Variants in ATRX observed in about 807,000 individuals in gnomAD.
The protein encoded by ATRX is ATRX chromatin remodeler, also known as chromatin remodeler ATRX.
A neutral mutation model predicts 172.6 loss-of-function variants in ATRX; 12 were observed. That is an observed-to-expected ratio of 0.07 (90% CI 0.04 to 0.11). The LOEUF is 0.11. Among genes scored for constraint, ATRX ranks in the 10% least tolerant of loss-of-function variants. The probability of loss-of-function intolerance (pLI) is 1.00; values close to 1 mark genes in which losing one functional copy is unlikely to be tolerated. For missense variants in ATRX, 1,368 were observed against 1,767.4 expected, an observed-to-expected ratio of 0.77 and a Z score of 4.05; for synonymous variants, 674 against 594.7, an observed-to-expected ratio of 1.13 and a Z score of -1.94.
At position 77,598,590 on chromosome X, in the gene ATRX, C is replaced by G. The variant is rs782560474; in HGVS notation, c.5956+821G>C. 1.6e-4 allele frequency among the ~76,000 whole-genome samples: 18 copies of G among 111,912 alleles called. No homozygotes were observed. The East Asian group carries it at 5.1e-3, about 32-fold the overall frequency. On this transcript the variant is annotated intron_variant, in intron 25 of 34. Transcript: ENST00000373344. ...ATAGACAGTTAACTGCTTTGCTCCA[C>G]AACTCCCAAATGCCAAATATTTAGA...
At chrX:77,545,093 G>A (rs569736631) in intron 30 of ATRX, among the ~76,000 whole-genome samples, 1 of 112,401 alleles carries the variant, frequency 8.9e-6, no homozygotes, top group African/African-American at 3.2e-5. Flanking sequence ...GAGTATATTC[G>A]AAAGTTGGGA....
At chrX:77,655,102 G>C (rs1266657017) in intron 13 of ATRX, among the ~76,000 whole-genome samples, 1 of 111,075 alleles carries the variant, frequency 9.0e-6, no homozygotes, top group Non-Finnish European at 1.9e-5. Flanking sequence ...CATAGAGACA[G>C]AAAATAGAAT....
intron 26 of ATRX, among the ~76,000 whole-genome samples, chrX:77,591,523 G>C (rs45491093): frequency 8.7e-4 from 98 of 112,076 alleles, no homozygotes; most frequent in African/African-American, 3.1e-3. Context: ...TTCAGATTTA[G>C]TAGAACTGAA....
intron 1 of ATRX, among the ~76,000 whole-genome samples, chrX:77,772,747 C>T (rs782091509): frequency 5.4e-5 from 6 of 110,098 alleles, no homozygotes; most frequent in Non-Finnish European, 9.5e-5. Flanking sequence ...TCCCAAAGTG[C>T]TGGGATCACT....
At chrX:77,615,901 C>T (rs1003550121) in intron 22 of ATRX, 2 of 718,902 alleles carry the variant, frequency 2.8e-6, no homozygotes, top group Non-Finnish European at 3.3e-6. Context: ...TCAGTAATAT[C>T]ATTTGGGGAA....
intron 22 of ATRX, among the ~76,000 whole-genome samples, chrX:77,604,097 T>C (rs940971519): frequency 7.1e-5 from 8 of 112,298 alleles, no homozygotes; most frequent in Non-Finnish European, 1.3e-4. Context: ...GACATTGGCC[T>C]AGGCAAATAA....
chrX:77,613,541 C>T (rs1290582560), intron 22 of ATRX, among the ~76,000 whole-genome samples: 7 of 112,045 alleles, frequency 6.2e-5, no homozygotes. Flanking sequence ...TTTGTTTCAA[C>T]CAAATGTTGA....
Position 77,717,175 on chromosome X carries a change from T to A in ATRX, c.89A>T (p.Glu30Val). 8.3e-7 allele frequency: 1 copy of A among 1,211,294 alleles called. No homozygotes were observed. The highest frequency in any genetic ancestry group is 1.1e-6 in the Non-Finnish European group (1 of 895,053). ...AAGTCGTGGAGGAGAACTTGTTTCT[T>A]CAGATTCTTCTGATGAGTGTGCAAG... ...DFLAHSSEES[E>V]ETSSPPRLAM... The change falls in exon 2 of 35, where the codon GAA becomes GTA. Residue 30 changes from glutamate to valine, a missense_variant. Around this residue, in one of 17 missense-constraint regions of ATRX, gnomAD observed 84 missense variants for 82.8 expected, o/e 1.01. Coordinates refer to ENST00000373344, the MANE Select transcript of ATRX (RefSeq NM_000489.6).
At chrX:77,780,767 C>T (rs1385264321) in intron 1 of ATRX, among the ~76,000 whole-genome samples, 15 of 109,459 alleles carry the variant, frequency 1.4e-4, no homozygotes, top group African/African-American at 5.0e-4. Flanking sequence ...AAAGTGAGAC[C>T]ACTGTTTCTA....
intron 26 of ATRX, among the ~76,000 whole-genome samples, chrX:77,591,452 C>T (rs1452699527): frequency 8.9e-6 from 1 of 112,269 alleles, no homozygotes; most frequent in African/African-American, 3.2e-5. Context: ...AAAAGCTATA[C>T]TATAGGAGAA....
At chrX:77,766,781 C>T (rs369156979) in intron 1 of ATRX, among the ~76,000 whole-genome samples, 3 of 109,503 alleles carry the variant, frequency 2.7e-5, no homozygotes, top group African/African-American at 1.0e-4. Context: ...AGACGATGGG[C>T]GGCCAGGCAG....
chrX:77,775,878 T>C (rs1211570892), intron 1 of ATRX, among the ~76,000 whole-genome samples: 1 of 110,418 alleles, frequency 9.1e-6, no homozygotes, highest in Non-Finnish European at 1.9e-5. Flanking sequence ...ATTACAGGCA[T>C]GCGCCACCAC....
intron 19 of ATRX, 39 bp from the exon 20 acceptor site, chrX:77,620,571 A>G (rs1557099417): frequency 9.2e-7 from 1 of 1,091,438 alleles, no homozygotes; most frequent in Admixed American, 2.4e-5. Flanking sequence ...ATTAATATAT[A>G]ATAAAACTGA....
chrX:77,712,211 G>T (rs1273641460), intron 2 of ATRX, among the ~76,000 whole-genome samples: 3 of 112,027 alleles, frequency 2.7e-5, no homozygotes, highest in African/African-American at 9.7e-5. Flanking sequence ...TAACAATGGG[G>T]AATTCAGCCA....
At chrX:77,593,057 C>T (rs151085790) in intron 26 of ATRX, among the ~76,000 whole-genome samples, 2 of 107,705 alleles carry the variant, frequency 1.9e-5, no homozygotes, top group South Asian at 4.1e-4. Flanking sequence ...AACCCTATCT[C>T]TGCTAAAAAT....
intron 4 of ATRX, 145 bp from the exon 5 acceptor site, chrX:77,696,849 T>C (rs782296897): frequency 1.5e-4 from 82 of 556,559 alleles, no homozygotes; most frequent in Non-Finnish European, 2.2e-4. Context: ...TGTATGTCTA[T>C]ACCATATCAC....
chrX:77,752,402 T>C (rs1266899855), intron 1 of ATRX, among the ~76,000 whole-genome samples: 1 of 112,077 alleles, frequency 8.9e-6, no homozygotes, highest in East Asian at 2.8e-4. Flanking sequence ...TTTCTAAATA[T>C]ACAATCATGT....
At chrX:77,548,742 C>T (rs1285198821) in intron 30 of ATRX, among the ~76,000 whole-genome samples, 1 of 112,374 alleles carries the variant, frequency 8.9e-6, no homozygotes, top group African/African-American at 3.2e-5. Flanking sequence ...CATCTGCCGG[C>T]TAATAAAACT....
At chrX:77,693,057 T>A (rs1204381685) in intron 6 of ATRX, among the ~76,000 whole-genome samples, 1 of 110,841 alleles carries the variant, frequency 9.0e-6, no homozygotes, top group Admixed American at 9.6e-5. Flanking sequence ...CAGCTGATAT[T>A]TTTATTTTTT....
Sources: allele counts gnomAD v4.1 joint callset (sites outside exome capture counted in the v4.1 genomes callset), GRCh38; gene constraint gnomAD v4.1.1; regional missense constraint gnomAD v4.1.1; transcripts MANE v1.5; gene names NCBI Gene and HGNC (gene_info 2026-07-23, HGNC 2026-07-21).